The following NKAIN2 variants were observed in gnomAD, a reference collection of about 807,000 sequenced individuals.
The protein encoded by NKAIN2 is sodium/potassium-transporting ATPase subunit beta-1-interacting protein 2.
Under a neutral mutation model 32.6 loss-of-function variants are expected in NKAIN2, and 14 were observed. That is an observed-to-expected ratio of 0.43 (90% CI 0.28 to 0.67). NKAIN2 has a LOEUF of 0.67. Ranked by LOEUF, NKAIN2 falls within the 30% of genes least tolerant of loss-of-function variation. NKAIN2 has a pLI of 0.17. For missense variants in NKAIN2, 198 were observed against 258.3 expected (o/e 0.77, Z 1.60); for synonymous variants, 80 against 87.2 (o/e 0.92, Z 0.46).
intron 1 of NKAIN2, among the ~76,000 whole-genome samples, chr6:124,179,749 G>T (rs1045746645): frequency 6.6e-6 from 1 of 152,242 alleles, no homozygotes. Flanking sequence ...TGTTATGTTG[G>T]TTTCTTTTCC....
chr6:124,024,149 A>T (rs905757807), intron 1 of NKAIN2, among the ~76,000 whole-genome samples: 2 of 152,164 alleles, frequency 1.3e-5, no homozygotes, highest in African/African-American at 2.4e-5. Flanking sequence ...AAGAAAAAAG[A>T]AATAATGTTT....
intron 1 of NKAIN2, among the ~76,000 whole-genome samples, chr6:124,242,728 T>C (rs962070039): frequency 9.2e-5 from 14 of 152,170 alleles, no homozygotes; most frequent in African/African-American, 2.7e-4. Flanking sequence ...AAGGATGAGT[T>C]CGTGTCCTTT....
chr6:123,831,025 A>G (rs530365423), intron 1 of NKAIN2, among the ~76,000 whole-genome samples: 2 of 152,332 alleles, frequency 1.3e-5, no homozygotes, highest in South Asian at 2.1e-4. Flanking sequence ...AGGTTACTTT[A>G]TGGAACAATG....
chr6:124,701,444 G>T (rs575416096), intron 4 of NKAIN2, among the ~76,000 whole-genome samples: 1 of 151,974 alleles, frequency 6.6e-6, no homozygotes, highest in South Asian at 2.1e-4. Flanking sequence ...GTATTTTTGC[G>T]ATTTGTTCTC....
chr6:124,603,444 G>T (rs1194153135), intron 3 of NKAIN2, among the ~76,000 whole-genome samples: 1 of 151,498 alleles, frequency 6.6e-6, no homozygotes, highest in Non-Finnish European at 1.5e-5. Context: ...GTTCTCTTTG[G>T]AAAAATAAAT....
chr6:124,460,215 C>T (rs149495748), intron 3 of NKAIN2, among the ~76,000 whole-genome samples: 83 of 151,752 alleles, frequency 5.5e-4, no homozygotes, highest in Non-Finnish European at 8.9e-4. Context: ...TTTCAGATAC[C>T]GTCCTTATGT....
chr6:124,766,531 G>T (rs960712973), intron 4 of NKAIN2, among the ~76,000 whole-genome samples: 20 of 152,062 alleles, frequency 1.3e-4, no homozygotes, highest in African/African-American at 4.6e-4. Flanking sequence ...TTATGTTTCC[G>T]ATGAAAGATT....
chr6:124,661,441 A>G (rs1583601103), intron 4 of NKAIN2, among the ~76,000 whole-genome samples: 1 of 152,058 alleles, frequency 6.6e-6, no homozygotes, highest in Admixed American at 6.6e-5. Context: ...AGATTCCTGA[A>G]CCCTGGCAAG....
intron 3 of NKAIN2, among the ~76,000 whole-genome samples, chr6:124,556,686 A>G (rs1247254855): frequency 6.6e-6 from 1 of 152,238 alleles, no homozygotes; most frequent in Non-Finnish European, 1.5e-5. Flanking sequence ...CTAAGACAGT[A>G]GGGTATAATT....
chr6:124,187,450 C>A (rs1037258132), intron 1 of NKAIN2, among the ~76,000 whole-genome samples: 3 of 152,230 alleles, frequency 2.0e-5, no homozygotes, highest in African/African-American at 7.2e-5. Context: ...TGCAGCCACC[C>A]ATAGTCCAAT....
chr6:124,371,223 A>G (rs1374097000), intron 3 of NKAIN2, among the ~76,000 whole-genome samples: 1 of 152,172 alleles, frequency 6.6e-6, no homozygotes, highest in Non-Finnish European at 1.5e-5. Flanking sequence ...CAAAGTTAAC[A>G]GAATATTATC....
intron 1 of NKAIN2, among the ~76,000 whole-genome samples, chr6:123,906,230 C>T (rs1326813002): frequency 2.6e-5 from 4 of 151,676 alleles, no homozygotes; most frequent in African/African-American, 4.8e-5. Context: ...AAATTATATC[C>T]TAGTGGAATT....
intron 4 of NKAIN2, among the ~76,000 whole-genome samples, chr6:124,704,687 T>C (rs930197094): frequency 4.0e-5 from 6 of 151,640 alleles, no homozygotes; most frequent in African/African-American, 9.7e-5. Context: ...ACCCTCCTGG[T>C]TGGATGTTTG....
At chr6:124,138,452 T>C (rs1279111850) in intron 1 of NKAIN2, among the ~76,000 whole-genome samples, 3 of 151,892 alleles carry the variant, frequency 2.0e-5, no homozygotes, top group Admixed American at 2.0e-4. Context: ...GAACTAAAAG[T>C]AGAACTACCA....
intron 5 of NKAIN2, among the ~76,000 whole-genome samples, chr6:124,802,875 C>A (rs1012035444): frequency 6.6e-6 from 1 of 152,208 alleles, no homozygotes; most frequent in Non-Finnish European, 1.5e-5. Context: ...TTATCTATCT[C>A]CAGAATTAGC....
chr6:123,903,832 T>A (rs1044057524), intron 1 of NKAIN2, among the ~76,000 whole-genome samples: 1 of 152,192 alleles, frequency 6.6e-6, no homozygotes, highest in Non-Finnish European at 1.5e-5. Context: ...ATCGATAGGA[T>A]GAAAACCCTT....
intron 1 of NKAIN2, among the ~76,000 whole-genome samples, chr6:123,970,943 G>A (rs1484896950): frequency 6.6e-6 from 1 of 151,978 alleles, no homozygotes; most frequent in Non-Finnish European, 1.5e-5. Context: ...TTGTAATAAG[G>A]CATGCTTTAA....
chr6:124,816,364 G>A (rs755803154), intron 5 of NKAIN2, among the ~76,000 whole-genome samples: 11 of 152,200 alleles, frequency 7.2e-5, no homozygotes, highest in Non-Finnish European at 1.3e-4. Flanking sequence ...TACATGTCAC[G>A]CATTTATCAA....
rs540921166 is a variant in NKAIN2, at chr6:124,638,263, C to G, written c.274-19923C>G. Among the ~76,000 whole-genome samples, 4 of 151,854 alleles carry G rather than the reference C, an allele frequency of 2.6e-5. No homozygotes were observed. The South Asian group carries it at 8.4e-4, about 32-fold the overall frequency. ...CTCTCACCATATCCAAAAATCAACT[C>G]AAAATGGGTGAAAGACTTAAATGTA... On this transcript the variant is annotated intron_variant, in intron 3 of 6. Coordinates refer to ENST00000368417, the MANE Select transcript of NKAIN2 (RefSeq NM_001040214.3).
Sources: gnomAD v4.1 joint callset for allele counts (sites outside exome capture counted in the v4.1 genomes callset) on GRCh38, gnomAD v4.1.1 for gene constraint, MANE v1.5 for transcripts, NCBI Gene and HGNC (gene_info 2026-07-23, HGNC 2026-07-21) for gene names.